MAF: variants seen among roughly 807,000 people sequenced by gnomAD.
The protein encoded by MAF is MAF bZIP transcription factor, also known as transcription factor Maf.
A neutral mutation model predicts 22.0 loss-of-function variants in MAF; 10 were observed. The observed-to-expected ratio is 0.45, with a 90% confidence interval of 0.28 to 0.77. MAF has a LOEUF of 0.77. MAF is among the 30% of genes least tolerant of loss of function. The pLI is 0.12. For synonymous variants in MAF, 337 were observed against 255.8 expected, an observed-to-expected ratio of 1.32 and a Z score of -3.03; for missense variants, 544 against 548.4, an observed-to-expected ratio of 0.99 and a Z score of 0.08.
the MAF span, among the ~76,000 whole-genome samples, chr16:79,350,506 T>C: frequency 2.6e-4 from 39 of 152,298 alleles, no homozygotes; most frequent in Middle Eastern, 3.4e-3. Context: ...ACTACCCTTT[T>C]CCAGCCCCCT....
At chr16:79,315,796 G>A in the MAF span, among the ~76,000 whole-genome samples, 1 of 152,222 alleles carries the variant, frequency 6.6e-6, no homozygotes, top group Admixed American at 6.5e-5. Flanking sequence ...CAAAGCCCAA[G>A]TCCCGTCCTC....
chr16:79,358,920 T>C, the MAF span, among the ~76,000 whole-genome samples: 2 of 152,166 alleles, frequency 1.3e-5, no homozygotes, highest in Non-Finnish European at 2.9e-5. Flanking sequence ...AGTGCTGTGA[T>C]GAGGCCCTTC....
At chr16:79,443,677 C>T in the MAF span, among the ~76,000 whole-genome samples, 3 of 152,216 alleles carry the variant, frequency 2.0e-5, no homozygotes, top group African/African-American at 7.2e-5. Context: ...GGAGGGGGAA[C>T]CAGCTTTTAC....
chr16:79,533,667 A>AG, the MAF span, among the ~76,000 whole-genome samples: 1 of 150,424 alleles, frequency 6.6e-6, no homozygotes, highest in Non-Finnish European at 1.5e-5. Flanking sequence ...AAAGTCTGCT[A>AG]GGGGGGAAAA....
the MAF span, among the ~76,000 whole-genome samples, chr16:79,263,949 G>A: frequency 2.6e-5 from 4 of 152,270 alleles, no homozygotes; most frequent in Non-Finnish European, 4.4e-5. Flanking sequence ...GTGGCTAGAT[G>A]TTTGTTTTAG....
chr16:79,572,756 G>A, the MAF span, among the ~76,000 whole-genome samples: 2 of 152,068 alleles, frequency 1.3e-5, no homozygotes, highest in African/African-American at 4.8e-5. Context: ...CTTGGCTTGT[G>A]TCCGAGGCAA....
the MAF span, among the ~76,000 whole-genome samples, chr16:79,548,530 A>G: frequency 6.6e-6 from 1 of 152,228 alleles, no homozygotes; most frequent in African/African-American, 2.4e-5. Flanking sequence ...ATTCTACAAG[A>G]AAGTGTTCTA....
chr16:79,497,611 C>A, the MAF span, among the ~76,000 whole-genome samples: 1 of 152,224 alleles, frequency 6.6e-6, no homozygotes, highest in African/African-American at 2.4e-5. Context: ...TCTACAGTGA[C>A]CCCAAGACGA....
chr16:79,372,145 T>C, the MAF span, among the ~76,000 whole-genome samples: 1 of 151,266 alleles, frequency 6.6e-6, no homozygotes, highest in Admixed American at 6.6e-5. Context: ...GAGATTCTGG[T>C]TTGGCCTCTG....
chr16:79,472,617 C>G, the MAF span, among the ~76,000 whole-genome samples: 1 of 151,960 alleles, frequency 6.6e-6, no homozygotes, highest in Non-Finnish European at 1.5e-5. Flanking sequence ...GGCTTGGAGG[C>G]AGAGAAGAAA....
chr16:79,378,708 G>A, the MAF span, among the ~76,000 whole-genome samples: 1 of 152,060 alleles, frequency 6.6e-6, no homozygotes, highest in African/African-American at 2.4e-5. Flanking sequence ...TATCTATCTT[G>A]TAATCCTATT....
rs878873480 is a variant in MAF, at chr16:79,599,610, G to T, written c.293C>A (p.Pro98Gln). The T allele has an allele frequency of 6.8e-6, 11 of 1,610,324 alleles. No individual in the cohort carries two copies. The highest frequency in any genetic ancestry group is 2.2e-5 in the East Asian group (1 of 44,722). ...LEDYYWMTGY[P>Q]QQLNPEALGF... ...CAGCGCCTCGGGGTTCAGCTGCTGC[G>T]GGTAGCCGGTCATCCAGTAGTAGTC... Residue 98 changes from proline (P) to glutamine (Q), a missense_variant, in exon 1 of 2, where the codon CCG (proline) becomes CAG (glutamine). Pro to Gln is a moderately conservative substitution (Grantham distance 76). This residue lies in a region of MAF where 342 missense variants were observed against 315.5 expected (regional missense o/e 1.08). Coordinates refer to ENST00000326043, the MANE Select transcript of MAF (RefSeq NM_005360.5).
At chr16:79,253,623 C>T in the MAF span, among the ~76,000 whole-genome samples, 9,168 of 152,118 alleles carry the variant, frequency 0.06, 312 homozygotes, top group Non-Finnish European at 0.08. Flanking sequence ...CATCTGATAA[C>T]GTTTTTCTAC....
At chr16:79,505,289 C>T in the MAF span, among the ~76,000 whole-genome samples, 1 of 152,130 alleles carries the variant, frequency 6.6e-6, no homozygotes, top group African/African-American at 2.4e-5. Flanking sequence ...TCATTCCCTG[C>T]CCCAGTGTTC....
chr16:79,478,231 G>A, the MAF span, among the ~76,000 whole-genome samples: 1 of 152,188 alleles, frequency 6.6e-6, no homozygotes, highest in South Asian at 2.1e-4. Flanking sequence ...ATCACAGTTA[G>A]CCTTGAGCGA....
chr16:79,503,266 T>C, the MAF span, among the ~76,000 whole-genome samples: 1 of 152,188 alleles, frequency 6.6e-6, no homozygotes, highest in East Asian at 1.9e-4. Context: ...TTATTGAGTG[T>C]CTACACTGCT....
At chr16:79,398,695 A>T in the MAF span, among the ~76,000 whole-genome samples, 2 of 128,550 alleles carry the variant, frequency 1.6e-5, no homozygotes, top group African/African-American at 2.6e-5. Flanking sequence ...CCTACCTTGG[A>T]CTTGACCTCC....
At chr16:79,401,629 A>G in the MAF span, among the ~76,000 whole-genome samples, 1 of 152,178 alleles carries the variant, frequency 6.6e-6, no homozygotes, top group Non-Finnish European at 1.5e-5. Context: ...ATGCCAGGGT[A>G]CCACTCTCAC....
At chr16:79,220,335 G>A in the MAF span, among the ~76,000 whole-genome samples, 99 of 150,774 alleles carry the variant, frequency 6.6e-4, 1 homozygote, top group Non-Finnish European at 1.0e-3. Flanking sequence ...AAAAACACAT[G>A]TGCCCATAGT....
Sources: allele counts gnomAD v4.1 joint callset (sites outside exome capture counted in the v4.1 genomes callset), GRCh38; gene constraint gnomAD v4.1.1; regional missense constraint gnomAD v4.1.1; transcripts MANE v1.5; gene names NCBI Gene and HGNC (gene_info 2026-07-23, HGNC 2026-07-21).